COL4A3: variants seen among roughly 807,000 people sequenced by gnomAD.
COL4A3 encodes collagen type IV alpha 3 chain, also known as collagen alpha-3(IV) chain.
In COL4A3, 135 loss-of-function variants were observed where a neutral mutation model predicts 217.4. The observed-to-expected ratio is 0.62, with a 90% CI of 0.54 to 0.72. COL4A3 has a LOEUF of 0.72. COL4A3 is among the 30% of genes least tolerant of loss of function. COL4A3 has a pLI of 0.00. For synonymous variants in COL4A3, 690 were observed against 736.3 expected, an observed-to-expected ratio of 0.94 and a Z score of 1.02; for missense variants, 1,868 against 2,119.9, an observed-to-expected ratio of 0.88 and a Z score of 2.33.
chr2:227,272,074 G>T (rs1349393439), intron 25 of COL4A3, among the ~76,000 whole-genome samples: 1 of 151,984 alleles, frequency 6.6e-6, no homozygotes, highest in Admixed American at 6.6e-5. Context: ...ACCCTTTTTG[G>T]CTGGCAGCAT....
At chr2:227,180,082 G>A (rs2065821184) in intron 1 of COL4A3, among the ~76,000 whole-genome samples, 1 of 152,172 alleles carries the variant, frequency 6.6e-6, no homozygotes, top group South Asian at 2.1e-4. Flanking sequence ...GCGGTGCGGT[G>A]CTTTTACTGT....
chr2:227,237,924 TCAGCTGTTTCTAAACA>T, intron 1 of COL4A3, 28 bp from the exon 2 acceptor site: 1 of 1,425,124 alleles, frequency 7.0e-7, no homozygotes, highest in South Asian at 1.1e-5. Flanking sequence ...TGGGATTTAT[TCAGCTGTTTCTAAACA>T]AAACCCTTTC....
In COL4A3 at chr2:227,314,515, T is replaced by TCA. The variant is rs1384169776; in HGVS notation, c.*2645_*2646insCA. ...CAGAAGTCTTTCAGCAAGATAAACA[T>TCA]TATTAAGTAACTTATTTATGAAAGT... On this transcript the variant is annotated 3_prime_UTR_variant, in exon 52 of 52. Transcript: ENST00000396578. 4 of 152,744 alleles carry TCA rather than the reference T, an allele frequency of 2.6e-5. No individual in the cohort carries two copies. The East Asian group carries it at 7.7e-4, about 29-fold the overall frequency. 9.5% of individuals were successfully genotyped at this position (152,744 alleles called of 1,614,324 possible).
rs183769553 is a variant in COL4A3, at chr2:227,290,732, T to C, written c.3071-15T>C. On this transcript the variant is annotated splice_polypyrimidine_tract_variant and intron_variant, in intron 36 of 51. Transcript: ENST00000396578. ...TGTTTATCTATTTTACTCTATGTTTTCCCCCTAATTTCAGGTTCTAAAGGA... is the reference window on the plus strand; with the variant it reads ...TGTTTATCTATTTTACTCTATGTTTCCCCCCTAATTTCAGGTTCTAAAGGA... The C allele has an allele frequency of 3.8e-5, 62 of 1,611,984 alleles. No homozygotes were observed. The East Asian group carries it at 4.0e-4, about 10-fold the overall frequency.
intron 38 of COL4A3, 139 bp from the exon 39 acceptor site, chr2:227,294,351 G>T: frequency 1.3e-6 from 1 of 758,348 alleles, no homozygotes; most frequent in East Asian, 2.5e-5. Flanking sequence ...ACAAAATCAT[G>T]GGGTGACCTT....
At chr2:227,236,682 C>CA (rs1304819542) in intron 1 of COL4A3, among the ~76,000 whole-genome samples, 1 of 111,092 alleles carries the variant, frequency 9.0e-6, no homozygotes, top group Non-Finnish European at 2.1e-5. Context: ...TTTTTTGAGA[C>CA]AGAGTCTCAC....
At chr2:227,185,658 G>C (rs2066006967) in intron 1 of COL4A3, among the ~76,000 whole-genome samples, 1 of 152,182 alleles carries the variant, frequency 6.6e-6, no homozygotes, top group African/African-American at 2.4e-5. Flanking sequence ...CCACAGAAGA[G>C]AGAAAACATT....
At chr2:227,254,438 C>T (rs1017548379) in intron 14 of COL4A3, among the ~76,000 whole-genome samples, 2 of 152,186 alleles carry the variant, frequency 1.3e-5, no homozygotes, top group Admixed American at 6.5e-5. Flanking sequence ...GCTGTACATG[C>T]ACCCAATGCC....
rs1373391017 is a variant in COL4A3 at position 227,298,815 on chromosome 2, G to A, written c.3882+3G>A. ...ACATGGGACCACCAGGTCGTCTGGTGAGTATGGATAATTATTTTGACTCAT... is the reference window on the plus strand; with the variant it reads ...ACATGGGACCACCAGGTCGTCTGGTAAGTATGGATAATTATTTTGACTCAT... On this transcript the variant is annotated splice_donor_region_variant and intron_variant, in intron 43 of 51. Transcript: ENST00000396578. 13 of 1,613,296 alleles carry A rather than the reference G, an allele frequency of 8.1e-6. No individual in the cohort carries two copies. The highest frequency in any genetic ancestry group is 1.1e-5 in the Non-Finnish European group (13 of 1,179,786).
chr2:227,193,324 T>C (rs1274776192), intron 1 of COL4A3, among the ~76,000 whole-genome samples: 1 of 152,234 alleles, frequency 6.6e-6, no homozygotes, highest in Non-Finnish European at 1.5e-5. Context: ...TACCTATGCA[T>C]TTTAAATCTT....
chr2:227,227,484 C>T (rs1255520309), intron 1 of COL4A3, among the ~76,000 whole-genome samples: 1 of 151,818 alleles, frequency 6.6e-6, no homozygotes, highest in Non-Finnish European at 1.5e-5. Context: ...GCCAATATTG[C>T]ATCACTGCAC....
rs1161472573 is a variant in COL4A3, at chr2:227,253,623, C to G, written c.750C>G (p.Gly250=). The change falls in exon 13 of 52, where the codon GGC becomes GGG. Residue 250 remains glycine (G), a synonymous_variant. Coordinates refer to ENST00000396578, the MANE Select transcript of COL4A3 (RefSeq NM_000091.5). This position sits in a 1 kb window ranked among gnomAD's most constrained non-coding sequence, Gnocchi z 4.4. ...GAACAGTTATTGTGACCCTAACTGGCCCAGATAACAGAACGGTAACTCTGC... is the reference window on the plus strand; with the variant it reads ...GAACAGTTATTGTGACCCTAACTGGGCCAGATAACAGAACGGTAACTCTGC... ...PPGTVIVTLT[G]PDNRTDLKGE... is the part of the protein sequence containing the mutation. 6.2e-7 allele frequency: 1 copy of G among 1,613,822 alleles called. No homozygotes were observed. The highest frequency in any genetic ancestry group is 2.2e-5 in the East Asian group (1 of 44,880).
rs150590261 is a variant in COL4A3 at position 227,185,599 on chromosome 2, T to C, written c.87+20786T>C. ...TTTAATTTGTTATATAGTCCACTGATTTTCCCCTACTCCCATCACCATGTA... is the reference window on the plus strand; with the variant it reads ...TTTAATTTGTTATATAGTCCACTGACTTTCCCCTACTCCCATCACCATGTA... On this transcript the variant is annotated intron_variant, in intron 1 of 51. Coordinates refer to ENST00000396578, the MANE Select transcript of COL4A3 (RefSeq NM_000091.5). Among the ~76,000 whole-genome samples, 168 of 152,326 alleles carry C rather than the reference T, an allele frequency of 1.1e-3. 1 individual carries two copies. The highest frequency in any genetic ancestry group is 3.6e-3 in the African/African-American group (149 of 41,566).
At chr2:227,213,278 A>C (rs2067395056) in intron 1 of COL4A3, among the ~76,000 whole-genome samples, 1 of 152,212 alleles carries the variant, frequency 6.6e-6, no homozygotes, top group Non-Finnish European at 1.5e-5. Context: ...CCAAGGTCAC[A>C]CAGTCTGAAA....
chr2:227,230,062 A>AAAAAAG lies in COL4A3; in HGVS notation c.88-7902_88-7901insAGAAAA, dbSNP rs753710796. On this transcript the variant is annotated intron_variant, in intron 1 of 51. Transcript: ENST00000396578. ...CAAGACTCCATCTCAAAAAAAAAAA[A>AAAAAAG]AAAAGAAATTTCCCAAAGCTCCAGT... is the stretch of plus-strand genomic sequence containing the variant. Among the ~76,000 whole-genome samples, 167 of 147,348 alleles carry AAAAAAG rather than the reference A, an allele frequency of 1.1e-3. 2 individuals are homozygous for AAAAAAG. The highest frequency in any genetic ancestry group is 3.5e-3 in the Middle Eastern group (1 of 286).
rs2069985968 is a variant in COL4A3, at chr2:227,254,117, C to T, written c.771C>T (p.Leu257=). The T allele has an allele frequency of 6.2e-7, 1 of 1,613,736 alleles. No individual in the cohort carries two copies. The highest frequency in any genetic ancestry group is 8.5e-7 in the Non-Finnish European group (1 of 1,179,810). The change falls in exon 14 of 52, where the codon CTC becomes CTT. Residue 257 remains leucine (L), a synonymous_variant. Coordinates refer to ENST00000396578, the MANE Select transcript of COL4A3 (RefSeq NM_000091.5). ...TTGAACTGTTTCTTTGGCAGGACCTCAAGGGGGAAAAGGGAGACAAGGGAG... is the reference window on the plus strand; with the variant it reads ...TTGAACTGTTTCTTTGGCAGGACCTTAAGGGGGAAAAGGGAGACAAGGGAG... ...TLTGPDNRTD[L]KGEKGDKGAM... is the part of the protein sequence containing the mutation.
chr2:227,301,384 C>T (rs945426398), intron 43 of COL4A3, among the ~76,000 whole-genome samples: 1 of 152,210 alleles, frequency 6.6e-6, no homozygotes, highest in East Asian at 1.9e-4. Flanking sequence ...CTAACCTCAT[C>T]AGTGATGCGT....
chr2:227,167,292 G>A (rs1215945156), intron 1 of COL4A3, among the ~76,000 whole-genome samples: 1 of 152,200 alleles, frequency 6.6e-6, no homozygotes, highest in Non-Finnish European at 1.5e-5. Context: ...TGCTAAGTTT[G>A]TTTAGACGGG....
rs755312698 is a variant in COL4A3 at position 227,282,513 on chromosome 2, G to A, written c.2637G>A (p.Pro879=). The A allele has an allele frequency of 2.0e-5, 33 of 1,613,352 alleles. No homozygotes were observed. Among genetic ancestry groups the A allele is most frequent in the African/African-American group, 1.2e-4 (9 of 74,772 alleles). The change falls in exon 32 of 52, where the codon CCG becomes CCA. Residue 879 remains proline, a synonymous_variant. Transcript: ENST00000396578. This position sits in a 1 kb window ranked among gnomAD's most constrained non-coding sequence, Gnocchi z 4.4. ...GTCAAAGAGGATATCCAGGAAATCC[G>A]GGAATTTTAGGGCCACCAGGTATCC... The part of the protein sequence containing the change: ...PLGQRGYPGN[P]GILGPPGEDG...
Sources: allele counts gnomAD v4.1 joint callset (sites outside exome capture counted in the v4.1 genomes callset), GRCh38; gene constraint gnomAD v4.1.1; non-coding constraint Gnocchi (gnomAD v3.1); transcripts MANE v1.5; gene names NCBI Gene and HGNC (gene_info 2026-07-23, HGNC 2026-07-21).